IPO11: variants seen among roughly 807,000 people sequenced by gnomAD.
IPO11 encodes the protein importin-11.
Under a neutral mutation model 143.2 loss-of-function variants are expected in IPO11, and 66 were observed. That is an observed-to-expected ratio of 0.46 (90% confidence interval 0.38 to 0.57). The LOEUF is 0.57. Ranked by LOEUF, IPO11 falls within the 20% of genes least tolerant of loss-of-function variation. The probability of loss-of-function intolerance (pLI) is 0.00; values close to 1 mark genes in which losing one functional copy is unlikely to be tolerated. For synonymous variants in IPO11, 385 were observed against 377.8 expected, an observed-to-expected ratio of 1.02 and a Z score of -0.22; for missense variants, 1,026 against 1,141.0, an observed-to-expected ratio of 0.90 and a Z score of 1.45.
At chr5:62,515,128 GT>G (rs1355367041) in intron 19 of IPO11, among the ~76,000 whole-genome samples, 1 of 151,806 alleles carries the variant, frequency 6.6e-6, no homozygotes, top group East Asian at 1.9e-4. Flanking sequence ...CCTCTAAAGT[GT>G]TTTTTTATAT....
intron 20 of IPO11, among the ~76,000 whole-genome samples, chr5:62,521,684 A>C (rs550506653): frequency 8.0e-5 from 12 of 150,272 alleles, no homozygotes; most frequent in African/African-American, 2.9e-4. Flanking sequence ...TGTTACTTAC[A>C]TGATAGATAT....
chr5:62,499,593 T>C (rs1395684453), intron 16 of IPO11, among the ~76,000 whole-genome samples: 1 of 144,362 alleles, frequency 6.9e-6, no homozygotes, highest in Non-Finnish European at 1.5e-5. Context: ...TTTTTTTTTT[T>C]GAGACGGAGT....
At chr5:62,545,800 C>G (rs905004652) in intron 24 of IPO11, among the ~76,000 whole-genome samples, 3 of 152,188 alleles carry the variant, frequency 2.0e-5, no homozygotes, top group African/African-American at 7.2e-5. Flanking sequence ...TATGAACAGA[C>G]ACTTCTCAAA....
chr5:62,595,491 A>AT (rs1328979709), intron 28 of IPO11, among the ~76,000 whole-genome samples: 1 of 152,228 alleles, frequency 6.6e-6, no homozygotes, highest in Non-Finnish European at 1.5e-5. Context: ...TTGAACAGGC[A>AT]TTTTAAAATT....
chr5:62,606,288 C>T (rs1308021813), intron 29 of IPO11, among the ~76,000 whole-genome samples: 2 of 147,980 alleles, frequency 1.4e-5, no homozygotes, highest in Admixed American at 1.4e-4. Context: ...CAAGACCAGC[C>T]TGGGCAACAT....
intron 27 of IPO11, among the ~76,000 whole-genome samples, chr5:62,589,985 A>G (rs559755212): frequency 7.2e-4 from 109 of 152,302 alleles, no homozygotes; most frequent in Non-Finnish European, 2.1e-4. Context: ...GTTTCTCAGC[A>G]CAGTAAGGTC....
intron 4 of IPO11, among the ~76,000 whole-genome samples, chr5:62,450,492 C>CA (rs1744872650): frequency 6.6e-6 from 1 of 152,164 alleles, no homozygotes; most frequent in African/African-American, 2.4e-5. Flanking sequence ...AAAAGTATAG[C>CA]ATATACAACT....
At chr5:62,567,325 C>A (rs1185479366) in intron 27 of IPO11, among the ~76,000 whole-genome samples, 2 of 151,864 alleles carry the variant, frequency 1.3e-5, no homozygotes, top group African/African-American at 4.8e-5. Context: ...TTTATTGCTG[C>A]TTTTAGGATC....
At position 62,460,836 on chromosome 5, in the gene IPO11, AT is replaced by A. The variant is rs759907719; in HGVS notation, c.517-6294del. On this transcript the variant is annotated intron_variant, in intron 5 of 29. Transcript: ENST00000325324. ...TTTTTAGAATCACATGTAGAAAAAA[AT>A]ATTTTTATTTCTCCTACTTGGTTGC... Among the ~76,000 whole-genome samples, 9 of 152,244 alleles carry A rather than the reference AT, an allele frequency of 5.9e-5. 1 individual carries two copies. In the East Asian group the frequency reaches 9.6e-4, roughly 16 times the overall value.
At chr5:62,516,542 C>G (rs1742027837) in intron 20 of IPO11, among the ~76,000 whole-genome samples, 1 of 152,096 alleles carries the variant, frequency 6.6e-6, no homozygotes, top group African/African-American at 2.4e-5. Flanking sequence ...GATCCGCCCA[C>G]CTCAGGCTCC....
chr5:62,571,636 A>G (rs1744134203), intron 27 of IPO11, among the ~76,000 whole-genome samples: 1 of 152,014 alleles, frequency 6.6e-6, no homozygotes, highest in East Asian at 1.9e-4. Context: ...CATTTTTCAT[A>G]TACATTTCAG....
chr5:62,604,245 A>G (rs188028455), intron 29 of IPO11, among the ~76,000 whole-genome samples: 8 of 152,190 alleles, frequency 5.3e-5, no homozygotes, highest in South Asian at 2.1e-4. Context: ...GTCTCGCTCT[A>G]TCACCCAGGC....
chr5:62,565,489 A>AAAAAC (rs1193617365), intron 27 of IPO11, among the ~76,000 whole-genome samples: 6 of 152,298 alleles, frequency 3.9e-5, no homozygotes, highest in South Asian at 2.1e-4. Flanking sequence ...CTGTCTCAAG[A>AAAAAC]AAAACAAAAC....
chr5:62,579,180 A>T (rs956226241), intron 27 of IPO11, among the ~76,000 whole-genome samples: 3 of 152,120 alleles, frequency 2.0e-5, no homozygotes, highest in Non-Finnish European at 4.4e-5. Flanking sequence ...ATGTTTCATT[A>T]ATCTGAACTA....
In IPO11 at chr5:62,480,107, A is replaced by T. The variant is rs554957141; in HGVS notation, c.829-2994A>T. On this transcript the variant is annotated intron_variant, in intron 9 of 29. Transcript: ENST00000325324. Reference sequence around the variant, plus strand: ...TTAAGTCTTTAATCCATCTTGAATTAATTTTTGTATAAGGTGTAAGGAAGG... The same window carrying T: ...TTAAGTCTTTAATCCATCTTGAATTTATTTTTGTATAAGGTGTAAGGAAGG... 3.3e-5 allele frequency among the ~76,000 whole-genome samples: 5 copies of T among 152,212 alleles called. No individual in the cohort carries two copies. The South Asian group carries it at 1.0e-3, about 32-fold the overall frequency.
At chr5:62,461,955 G>A (rs1745374772) in intron 5 of IPO11, among the ~76,000 whole-genome samples, 2 of 152,150 alleles carry the variant, frequency 1.3e-5, no homozygotes, top group Non-Finnish European at 2.9e-5. Flanking sequence ...TAAGGATTTT[G>A]AAGCAAATAC....
At chr5:62,429,712 C>T (rs1245900749) in intron 1 of IPO11, among the ~76,000 whole-genome samples, 1 of 152,082 alleles carries the variant, frequency 6.6e-6, no homozygotes, top group Non-Finnish European at 1.5e-5. Flanking sequence ...CAACCTCTGC[C>T]TCCCGGGTTC....
At chr5:62,605,214 A>G (rs903267140) in intron 29 of IPO11, among the ~76,000 whole-genome samples, 7 of 152,240 alleles carry the variant, frequency 4.6e-5, no homozygotes, top group African/African-American at 9.6e-5. Flanking sequence ...AAAGTAGTCC[A>G]TAAAATGTGG....
intron 19 of IPO11, among the ~76,000 whole-genome samples, chr5:62,510,579 A>G (rs906860271): frequency 3.3e-5 from 5 of 152,312 alleles, no homozygotes; most frequent in African/African-American, 1.2e-4. Flanking sequence ...CTATTATCTA[A>G]TATCAAGTCA....
Sources: allele counts gnomAD v4.1 joint callset (sites outside exome capture counted in the v4.1 genomes callset), GRCh38; gene constraint gnomAD v4.1.1; transcripts MANE v1.5; gene names NCBI Gene and HGNC (gene_info 2026-07-23, HGNC 2026-07-21).